The following NAV3 variants were observed in gnomAD, a reference collection of about 807,000 sequenced individuals.
The protein encoded by NAV3 is pore membrane and/or filament interacting like protein 1.
NAV3 carries 87 observed loss-of-function variants against 244.7 expected under a neutral mutation model. The observed-to-expected ratio is 0.36, with a 90% CI of 0.30 to 0.42. The LOEUF (loss-of-function observed/expected upper bound fraction) is 0.42. Ranked by LOEUF, NAV3 falls within the 20% of genes least tolerant of loss-of-function variation. The pLI, the probability that NAV3 is intolerant of heterozygous loss-of-function variation, is 1.00. For missense variants in NAV3, 2,663 were observed against 2,893.3 expected (o/e 0.92, Z 1.83); for synonymous variants, 1,126 against 1,042.2 (o/e 1.08, Z -1.55).
intron 17 of NAV3, among the ~76,000 whole-genome samples, chr12:78,127,464 A>C (rs138101030): frequency 6.6e-6 from 1 of 151,926 alleles, no homozygotes; most frequent in East Asian, 1.9e-4. Flanking sequence ...AAATAATACT[A>C]AACAAACAAA....
intron 2 of NAV3, among the ~76,000 whole-genome samples, chr12:77,824,218 C>T (rs531579160): frequency 2.0e-5 from 3 of 150,266 alleles, no homozygotes; most frequent in East Asian, 2.0e-4. Context: ...GGACTGCAGG[C>T]GCATGCCACC....
intron 2 of NAV3, among the ~76,000 whole-genome samples, chr12:77,806,667 A>AGGT (rs1014278587): frequency 6.6e-6 from 1 of 152,198 alleles, no homozygotes; most frequent in African/African-American, 2.4e-5. Flanking sequence ...AGAGTTCTGT[A>AGGT]GGTGTCTATT....
intron 2 of NAV3, among the ~76,000 whole-genome samples, chr12:77,788,399 C>T (rs896607192): frequency 2.0e-5 from 3 of 152,096 alleles, no homozygotes; most frequent in African/African-American, 4.8e-5. Context: ...CACCAAAGCC[C>T]GCTGGGACAA....
At chr12:78,049,699 G>A (rs923119570) in intron 9 of NAV3, among the ~76,000 whole-genome samples, 2 of 152,050 alleles carry the variant, frequency 1.3e-5, no homozygotes, top group Admixed American at 6.5e-5. Flanking sequence ...ATTGATCCCA[G>A]CAACATGGAT....
At chr12:78,182,909 T>G (rs2139767782) in intron 30 of NAV3, among the ~76,000 whole-genome samples, 1 of 152,108 alleles carries the variant, frequency 6.6e-6, no homozygotes, top group South Asian at 2.1e-4. Context: ...ATGCTGGGGC[T>G]TTTTAACAGA....
intron 33 of NAV3, among the ~76,000 whole-genome samples, chr12:78,189,248 T>C (rs1958864242): frequency 6.6e-6 from 1 of 151,900 alleles, no homozygotes; most frequent in African/African-American, 2.4e-5. Context: ...GATGATGTGA[T>C]TAATTATAGG....
At chr12:78,164,720 G>T (rs1272113421) in intron 23 of NAV3, among the ~76,000 whole-genome samples, 1 of 152,052 alleles carries the variant, frequency 6.6e-6, no homozygotes, top group Non-Finnish European at 1.5e-5. Flanking sequence ...GACTTCAGAT[G>T]CATGGTGGAG....
At chr12:77,699,455 G>T (rs920421491) in intron 2 of NAV3, among the ~76,000 whole-genome samples, 1 of 152,122 alleles carries the variant, frequency 6.6e-6, no homozygotes, top group Non-Finnish European at 1.5e-5. Flanking sequence ...CTTGGATTCT[G>T]TAATCAGGAA....
At chr12:77,977,712 GCA>G (rs540138192) in intron 5 of NAV3, among the ~76,000 whole-genome samples, 25,319 of 142,832 alleles carry the variant, frequency 0.18, 2,205 homozygotes, top group Admixed American at 0.22. Context: ...ACACACACGC[GCA>G]CACACACACA....
At chr12:78,092,815 TAA>T (rs1184043991) in intron 12 of NAV3, among the ~76,000 whole-genome samples, 1 of 152,084 alleles carries the variant, frequency 6.6e-6, no homozygotes, top group Non-Finnish European at 1.5e-5. Context: ...AATTATTTTC[TAA>T]AGTGTTTCAT....
intron 6 of NAV3, 73 bp downstream of exon 6, chr12:77,994,944 CT>C (rs536027721): frequency 0.024 from 22,394 of 924,708 alleles, 102 homozygotes; most frequent in Non-Finnish European, 0.028. Flanking sequence ...TTTGTCCTAT[CT>C]TTTTTTTTTA....
chr12:77,778,247 C>T (rs1232177421), intron 2 of NAV3, among the ~76,000 whole-genome samples: 3 of 147,688 alleles, frequency 2.0e-5, no homozygotes, highest in African/African-American at 7.5e-5. Flanking sequence ...TTCCTCCCCC[C>T]CGCCCCCCGT....
intron 2 of NAV3, among the ~76,000 whole-genome samples, chr12:77,718,446 A>T (rs1876462338): frequency 6.6e-6 from 1 of 152,078 alleles, no homozygotes; most frequent in Non-Finnish European, 1.5e-5. Context: ...ACTGGTCCTT[A>T]TGTCAGTGCC....
At chr12:77,899,742 C>T (rs535372274) in intron 1 of NAV3, among the ~76,000 whole-genome samples, 83 of 152,142 alleles carry the variant, frequency 5.5e-4, no homozygotes, top group Admixed American at 3.7e-3. Context: ...TTTACATGTC[C>T]GGAATTTAAA....
chr12:77,828,973 G>A (rs770597500), upstream of NAV3, among the ~76,000 whole-genome samples: 3 of 152,140 alleles, frequency 2.0e-5, no homozygotes, highest in Admixed American at 6.5e-5. Flanking sequence ...ATTTATTCTA[G>A]GCAAAGGGAA....
chr12:77,597,922 G>A (rs2136753744), intron 2 of NAV3, among the ~76,000 whole-genome samples: 1 of 152,052 alleles, frequency 6.6e-6, no homozygotes, highest in Admixed American at 6.6e-5. Context: ...TCTCTGACCA[G>A]GTGGAAGAAG....
In NAV3 at chr12:78,116,807, G is replaced by A; in HGVS notation, c.2672G>A (p.Ser891Asn). ...AGCAGTTCAGTGAGCAGTGGTCTCA[G>A]TGACACCCTTGATAACATCAGCACT... ...DDSSSVSSGL[S>N]DTLDNISTDD... The change falls in exon 13 of 40, where the codon AGT (serine) becomes AAT (asparagine). Residue 891 changes from serine to asparagine, a missense_variant. Around this residue, in one of 6 missense-constraint regions of NAV3, gnomAD observed 1,521 missense variants for 1,497.0 expected, o/e 1.02. Coordinates refer to ENST00000397909, the MANE Select transcript of NAV3 (RefSeq NM_001024383.2). 1 of 1,607,820 alleles carries A rather than the reference G, an allele frequency of 6.2e-7. No homozygotes were observed. Among genetic ancestry groups the A allele is most frequent in the South Asian group, 1.1e-5 (1 of 90,280 alleles).
At chr12:77,800,343 C>T (rs1004743102) in intron 2 of NAV3, among the ~76,000 whole-genome samples, 2 of 152,232 alleles carry the variant, frequency 1.3e-5, no homozygotes, top group East Asian at 1.9e-4. Flanking sequence ...GTTTTTAAAC[C>T]TACAAATCAC....
intron 12 of NAV3, among the ~76,000 whole-genome samples, chr12:78,083,532 A>AAT (rs1953469568): frequency 1.3e-5 from 2 of 152,228 alleles, no homozygotes; most frequent in African/African-American, 4.8e-5. Flanking sequence ...CTGTTATTTT[A>AAT]ATTTACTGTG....
Sources: gnomAD v4.1 joint callset for allele counts (sites outside exome capture counted in the v4.1 genomes callset) on GRCh38, gnomAD v4.1.1 for gene constraint, gnomAD v4.1.1 regional missense constraint, MANE v1.5 for transcripts, NCBI Gene and HGNC (gene_info 2026-07-23, HGNC 2026-07-21) for gene names.